ANO5: variants seen among roughly 807,000 people sequenced by gnomAD.
ANO5 encodes anoctamin-5.
Under a neutral mutation model 121.0 loss-of-function variants are expected in ANO5, and 109 were observed. The ratio of observed to expected loss-of-function variants is 0.90; its 90% CI spans 0.77 to 1.06. ANO5 has a LOEUF of 1.06. Ranked by LOEUF, ANO5 falls within the 50% of genes least tolerant of loss-of-function variation. The pLI is 0.00. For missense variants in ANO5, 1,064 were observed against 1,078.5 expected, an observed-to-expected ratio of 0.99 and a Z score of 0.19; for synonymous variants, 406 against 359.9, an observed-to-expected ratio of 1.13 and a Z score of -1.45.
Position 22,244,474 on chromosome 11 carries a change from C to T in ANO5, c.878+4790C>T, listed in dbSNP as rs545815814. Among the ~76,000 whole-genome samples the T allele has an allele frequency of 2.6e-5, 4 of 152,122 alleles. No individual in the cohort carries two copies. In the East Asian group the frequency reaches 7.7e-4, roughly 29 times the overall value. ...TGGGGACATTTTTATAGACTATATC[C>T]TCAAGCACTTTTTCCAGGTTGTTTA... On this transcript the variant is annotated intron_variant, in intron 9 of 21. Transcript: ENST00000324559.
Position 22,193,463 on chromosome 11 carries a change from G to A in ANO5, c.-30G>A. On this transcript the variant is annotated 5_prime_UTR_variant, in exon 1 of 22. Coordinates refer to ENST00000324559, the MANE Select transcript of ANO5 (RefSeq NM_213599.3). ...GCTGCCCCTCTCCTGCTGCCTCTCAGGCACCAGTGCCATTAACGAGCTGGC... is the reference window on the plus strand; with the variant it reads ...GCTGCCCCTCTCCTGCTGCCTCTCAAGCACCAGTGCCATTAACGAGCTGGC... The A allele has an allele frequency of 6.2e-7, 1 of 1,607,068 alleles. No homozygotes were observed. The highest frequency in any genetic ancestry group is 8.5e-7 in the Non-Finnish European group (1 of 1,177,372).
intron 17 of ANO5, among the ~76,000 whole-genome samples, chr11:22,265,118 A>G (rs928562199): frequency 2.0e-5 from 3 of 152,188 alleles, no homozygotes; most frequent in African/African-American, 7.2e-5. Flanking sequence ...ACAAATTCTG[A>G]GTATGAATCA....
intron 12 of ANO5, among the ~76,000 whole-genome samples, chr11:22,253,156 C>T (rs371576063): frequency 1.3e-4 from 20 of 152,182 alleles, no homozygotes; most frequent in African/African-American, 4.8e-4. Flanking sequence ...CTATAAGGCC[C>T]AAACCAAGGG....
At chr11:22,269,127 A>C (rs969650039) in intron 17 of ANO5, among the ~76,000 whole-genome samples, 28 of 150,196 alleles carry the variant, frequency 1.9e-4, no homozygotes, top group Non-Finnish European at 3.3e-4. Flanking sequence ...TAAAGAAAGG[A>C]AAGGAAAGGA....
chr11:22,205,849 T>C (rs963478383), intron 2 of ANO5, among the ~76,000 whole-genome samples: 3 of 152,112 alleles, frequency 2.0e-5, no homozygotes, highest in African/African-American at 7.2e-5. Context: ...TCTACACACA[T>C]AAATTTGACA....
At chr11:22,223,265 C>A (rs529291033) in intron 5 of ANO5, among the ~76,000 whole-genome samples, 11 of 152,056 alleles carry the variant, frequency 7.2e-5, no homozygotes, top group African/African-American at 2.6e-4. Flanking sequence ...TGATAAAAAG[C>A]AAAACGAGCA....
chr11:22,202,847 T>G (rs1852004345), intron 1 of ANO5, among the ~76,000 whole-genome samples: 1 of 152,160 alleles, frequency 6.6e-6, no homozygotes, highest in African/African-American at 2.4e-5. Context: ...TAGGAGGACA[T>G]CCATCATTGG....
At chr11:22,236,108 G>A (rs1853207519) in intron 7 of ANO5, 55 bp from the exon 8 acceptor site, 5 of 1,145,374 alleles carry the variant, frequency 4.4e-6, no homozygotes, top group Non-Finnish European at 6.6e-6. Context: ...TGAAAGAAAT[G>A]TGGAAAGCAT....
In ANO5 at chr11:22,276,127, G is replaced by A. The variant is rs760336798; in HGVS notation, c.2448G>A (p.Glu816=). ...ATTACAGATATCCTCCTGATGACGA[G>A]AATAAATATTTTCATAATATGCAAT... ...YRDYRYPPDD[E]NKYFHNMQFW... The change falls in exon 21 of 22, where the codon GAG becomes GAA. Residue 816 remains glutamate (E), a synonymous_variant. Coordinates refer to ENST00000324559, the MANE Select transcript of ANO5 (RefSeq NM_213599.3). The A allele has an allele frequency of 1.7e-5, 27 of 1,610,832 alleles. No homozygotes were observed. The highest frequency in any genetic ancestry group is 1.6e-4 in the Middle Eastern group (1 of 6,068).
intron 12 of ANO5, among the ~76,000 whole-genome samples, chr11:22,254,312 TG>T (rs1265903518): frequency 1.3e-5 from 2 of 152,158 alleles, no homozygotes; most frequent in African/African-American, 4.8e-5. Flanking sequence ...GTCAGAAAGT[TG>T]AATCTTTTAT....
intron 7 of ANO5, among the ~76,000 whole-genome samples, chr11:22,228,539 TTGTTAA>T (rs1852923749): frequency 6.6e-6 from 1 of 152,010 alleles, no homozygotes; most frequent in Admixed American, 6.6e-5. Context: ...TGATACTTTA[TTGTTAA>T]TGTTAGTCAT....
At chr11:22,279,405 A>ACCT (rs1854989385) in intron 21 of ANO5, 139 bp from the exon 22 acceptor site, 1 of 697,928 alleles carries the variant, frequency 1.4e-6, no homozygotes, top group African/African-American at 1.8e-5. Flanking sequence ...GTTCTAGGAC[A>ACCT]GAGACCATAT....
intron 4 of ANO5, among the ~76,000 whole-genome samples, chr11:22,220,017 A>G (rs1852589512): frequency 6.6e-6 from 1 of 151,054 alleles, no homozygotes; most frequent in Non-Finnish European, 1.5e-5. Flanking sequence ...TACTTTGTTC[A>G]TAGACCACAG....
chr11:22,215,270 A>G (rs951880860), intron 3 of ANO5, among the ~76,000 whole-genome samples: 2 of 152,120 alleles, frequency 1.3e-5, no homozygotes, highest in East Asian at 3.9e-4. Flanking sequence ...ACAGGCACAA[A>G]CCAATCAGAA....
chr11:22,265,400 A>G (rs771717096), intron 17 of ANO5, among the ~76,000 whole-genome samples: 1 of 152,138 alleles, frequency 6.6e-6, no homozygotes, highest in Non-Finnish European at 1.5e-5. Flanking sequence ...TTTAGACATG[A>G]AAAGACTAGG....
chr11:22,221,735 A>G (rs1370592725), intron 5 of ANO5, among the ~76,000 whole-genome samples: 2 of 151,972 alleles, frequency 1.3e-5, no homozygotes, highest in Non-Finnish European at 2.9e-5. Flanking sequence ...TTATGTACCC[A>G]AATCCTAGAA....
intron 12 of ANO5, among the ~76,000 whole-genome samples, chr11:22,252,125 G>A (rs982744639): frequency 2.6e-5 from 4 of 151,444 alleles, no homozygotes; most frequent in Admixed American, 6.6e-5. Context: ...CAAAGCGGAG[G>A]GATTTATGGC....
At chr11:22,195,435 T>A (rs7129731) in intron 1 of ANO5, among the ~76,000 whole-genome samples, 125,079 of 151,460 alleles carry the variant, frequency 0.83, 52,147 homozygotes, top group African/African-American at 0.93. Flanking sequence ...TTTTTTTTTT[T>A]TTTTATTTTT....
intron 21 of ANO5, 27 bp downstream of exon 21, chr11:22,276,226 G>A: frequency 1.3e-6 from 2 of 1,522,306 alleles, no homozygotes; most frequent in Non-Finnish European, 1.8e-6. Context: ...TTTCATTCGA[G>A]TTACTCTCTT....
Sources: gnomAD v4.1 joint callset for allele counts (sites outside exome capture counted in the v4.1 genomes callset) on GRCh38, gnomAD v4.1.1 for gene constraint, MANE v1.5 for transcripts, NCBI Gene and HGNC (gene_info 2026-07-23, HGNC 2026-07-21) for gene names.